The following CDH23 variants were observed in gnomAD, a reference collection of about 807,000 sequenced individuals.
CDH23 encodes the protein cadherin-23.
In CDH23, 189 loss-of-function variants were observed where a neutral mutation model predicts 317.1. That is an observed-to-expected ratio of 0.60 (90% CI 0.53 to 0.67). CDH23 has a LOEUF of 0.67. Among genes scored for constraint, CDH23 ranks in the 30% least tolerant of loss-of-function variants. CDH23 has a pLI of 0.00. For missense variants in CDH23, 4,401 were observed against 4,592.4 expected, an observed-to-expected ratio of 0.96 and a Z score of 1.20; for synonymous variants, 1,839 against 1,876.8, an observed-to-expected ratio of 0.98 and a Z score of 0.52.
rs550447350 is a variant in CDH23 at position 71,613,275 on chromosome 10, C to A, written c.833-2229C>A. Among the ~76,000 whole-genome samples, 88 of 152,326 alleles carry A rather than the reference C, an allele frequency of 5.8e-4. 2 individuals are homozygous for A. Among genetic ancestry groups the A allele is most frequent in the Non-Finnish European group, 4.9e-4 (33 of 68,036 alleles). Reference sequence around the variant, plus strand: ...CTCCCTTCTATCATACATTTATATGCCTCCTTGCAATCCTGTCCCCCCAAC... The same window carrying A: ...CTCCCTTCTATCATACATTTATATGACTCCTTGCAATCCTGTCCCCCCAAC... On this transcript the variant is annotated intron_variant, in intron 9 of 69. Coordinates refer to ENST00000224721, the MANE Select transcript of CDH23 (RefSeq NM_022124.6).
intron 3 of CDH23, among the ~76,000 whole-genome samples, chr10:71,499,114 T>C (rs1017702435): frequency 6.6e-6 from 1 of 152,178 alleles, no homozygotes. Flanking sequence ...ATAGATGGAA[T>C]TGAAGATCAT....
In CDH23 at chr10:71,809,942, T is replaced by C; in HGVS notation, c.8845T>C (p.Tyr2949His). Residue 2949 changes from tyrosine to histidine, a missense_variant, in exon 61 of 70, where the codon TAC becomes CAC. Transcript: ENST00000224721. ...CAACGACACGGCCATCATCGGCATCTACATCCTGAGGGACGACCAGCGCGT... is the reference window on the plus strand; with the variant it reads ...CAACGACACGGCCATCATCGGCATCCACATCCTGAGGGACGACCAGCGCGT... ...GHNDTAIIGI[Y>H]ILRDDQRVKI... 2 of 1,612,734 alleles carry C rather than the reference T, an allele frequency of 1.2e-6. No homozygotes were observed. Among genetic ancestry groups the C allele is most frequent in the Non-Finnish European group, 1.7e-6 (2 of 1,179,880 alleles).
chr10:71,762,683 G>A (rs1840426229), intron 38 of CDH23, among the ~76,000 whole-genome samples: 1 of 152,256 alleles, frequency 6.6e-6, no homozygotes, highest in African/African-American at 2.4e-5. Context: ...TCCTGAAGGA[G>A]GGAGAGTCTT....
chr10:71,524,315 C>G (rs1051668445), intron 6 of CDH23, among the ~76,000 whole-genome samples: 16 of 152,172 alleles, frequency 1.1e-4, no homozygotes, highest in African/African-American at 3.9e-4. Flanking sequence ...AGCTTCCTCC[C>G]GCTCCTCTGT....
At chr10:71,661,003 C>T (rs1033069129) in intron 14 of CDH23, among the ~76,000 whole-genome samples, 11 of 152,322 alleles carry the variant, frequency 7.2e-5, no homozygotes, top group African/African-American at 2.4e-4. Context: ...ATTATCCTCC[C>T]CATTTTGTAG....
chr10:71,438,728 C>T (rs938376184), intron 1 of CDH23, among the ~76,000 whole-genome samples: 1 of 152,228 alleles, frequency 6.6e-6, no homozygotes, highest in African/African-American at 2.4e-5. Context: ...AGAGATAGGA[C>T]ACCAGCTTGG....
intron 3 of CDH23, among the ~76,000 whole-genome samples, chr10:71,503,795 C>T (rs769055553): frequency 6.6e-6 from 1 of 152,128 alleles, no homozygotes; most frequent in African/African-American, 2.4e-5. Context: ...ACTCGCCACC[C>T]GAGAGGTGAA....
chr10:71,796,185 AGGAGG>A, intron 48 of CDH23: 7 of 767,324 alleles, frequency 9.1e-6, no homozygotes, highest in Admixed American at 6.3e-5. Context: ...TGAGAGGGAG[AGGAGG>A]TCTCACTCTG....
intron 38 of CDH23, among the ~76,000 whole-genome samples, chr10:71,756,833 G>A (rs531881803): frequency 2.0e-5 from 3 of 152,322 alleles, no homozygotes; most frequent in East Asian, 3.9e-4. Flanking sequence ...TTGCCTTTCC[G>A]CTATTTGTTT....
intron 1 of CDH23, among the ~76,000 whole-genome samples, chr10:71,433,035 G>C (rs1392581464): frequency 6.6e-6 from 1 of 152,138 alleles, no homozygotes; most frequent in Non-Finnish European, 1.5e-5. Context: ...ATTTTGGTAG[G>C]GTGGCCATAA....
intron 6 of CDH23, among the ~76,000 whole-genome samples, chr10:71,560,766 C>A (rs1394845119): frequency 1.3e-5 from 2 of 151,024 alleles, no homozygotes; most frequent in Non-Finnish European, 3.0e-5. Context: ...GAGGCTGTTA[C>A]CAGCTCTGAT....
chr10:71,446,224 A>T (rs896862264), intron 2 of CDH23, 94 bp from the exon 3 acceptor site: 89 of 1,186,332 alleles, frequency 7.5e-5, no homozygotes, highest in Admixed American at 5.5e-4. Context: ...ACACAGGCTC[A>T]GTGCCCACTG....
intron 12 of CDH23, 22 bp from the exon 13 acceptor site, chr10:71,645,809 T>C: frequency 6.2e-7 from 1 of 1,604,214 alleles, no homozygotes; most frequent in East Asian, 2.2e-5. Flanking sequence ...CCTGACTGGC[T>C]TCTTCTGCAC....
chr10:71,759,369 T>G (rs933575435), intron 38 of CDH23, among the ~76,000 whole-genome samples: 1 of 150,890 alleles, frequency 6.6e-6, no homozygotes, highest in Admixed American at 6.6e-5. Context: ...TCACCAGACA[T>G]GGTGATGCGT....
At chr10:71,736,190 T>C (rs978342342) in intron 34 of CDH23, among the ~76,000 whole-genome samples, 3 of 152,232 alleles carry the variant, frequency 2.0e-5, no homozygotes, top group South Asian at 2.1e-4. Context: ...TGCTTTGCCC[T>C]CTTCCGGTTA....
chr10:71,449,044 C>T (rs1850306942), intron 3 of CDH23, among the ~76,000 whole-genome samples: 1 of 152,276 alleles, frequency 6.6e-6, no homozygotes, highest in African/African-American at 2.4e-5. Flanking sequence ...GTGACTGGAT[C>T]CCTCACTGGA....
chr10:71,441,833 GA>G (rs1382333403), intron 2 of CDH23, among the ~76,000 whole-genome samples: 2 of 152,220 alleles, frequency 1.3e-5, no homozygotes, highest in Non-Finnish European at 2.9e-5. Flanking sequence ...CTCTCCAGAT[GA>G]AAGATGCTTC....
intron 3 of CDH23, among the ~76,000 whole-genome samples, chr10:71,461,727 C>G (rs1487227697): frequency 6.6e-6 from 1 of 152,214 alleles, no homozygotes; most frequent in Non-Finnish European, 1.5e-5. Flanking sequence ...CTCATCGCAA[C>G]CCCGAAGGCC....
intron 7 of CDH23, among the ~76,000 whole-genome samples, chr10:71,568,129 T>C (rs1289890676): frequency 2.0e-5 from 3 of 152,244 alleles, no homozygotes; most frequent in Non-Finnish European, 2.9e-5. Context: ...TGTTTGGCCC[T>C]GGCCCAGTGG....
Sources: allele counts gnomAD v4.1 joint callset (sites outside exome capture counted in the v4.1 genomes callset), GRCh38; gene constraint gnomAD v4.1.1; transcripts MANE v1.5; gene names NCBI Gene and HGNC (gene_info 2026-07-23, HGNC 2026-07-21).